Variants in PPIG observed in about 807,000 individuals in gnomAD.
PPIG encodes the protein peptidylprolyl isomerase G, also known as peptidyl-prolyl cis-trans isomerase G.
PPIG carries 26 observed loss-of-function variants against 87.9 expected under a neutral mutation model. The ratio of observed to expected loss-of-function variants is 0.30; its 90% CI spans 0.22 to 0.41. The LOEUF is 0.41. PPIG is among the 10% of genes least tolerant of loss of function. The probability of loss-of-function intolerance (pLI) is 1.00; values close to 1 mark genes in which losing one functional copy is unlikely to be tolerated. For synonymous variants in PPIG, 308 were observed against 276.5 expected (o/e 1.11, Z -1.13); for missense variants, 722 against 879.4 (o/e 0.82, Z 2.26).
chr2:169,608,057 A>G (rs1431857654), intron 6 of PPIG, among the ~76,000 whole-genome samples: 1 of 152,118 alleles, frequency 6.6e-6, no homozygotes, highest in Non-Finnish European at 1.5e-5. Flanking sequence ...AGATAGTTTC[A>G]TTTTTTTATT....
At chr2:169,605,914 C>T (rs1685313720) in intron 4 of PPIG, 125 bp from the exon 5 acceptor site, 4 of 652,844 alleles carry the variant, frequency 6.1e-6, no homozygotes, top group Non-Finnish European at 7.9e-6. Context: ...AAAAAAATTC[C>T]TGAAAGGAAT....
rs1475561784 is a variant in PPIG, at chr2:169,638,727, T to TG, written c.*1204_*1205insG. 1.3e-5 allele frequency: 2 copies of TG among 152,080 alleles called. No homozygotes were observed. The highest frequency in any genetic ancestry group is 4.8e-5 in the African/African-American group (2 of 41,458). The allele number at this position is 152,080 out of a possible 1,614,324, so 9.4% of individuals were successfully genotyped here. On this transcript the variant is annotated 3_prime_UTR_variant, in exon 14 of 14. Coordinates refer to ENST00000260970, the MANE Select transcript of PPIG (RefSeq NM_004792.3). ...TAGAAAGTTGCAAATTTTGATAGTTTACAGAGTTAAACACTAAACATATCC... is the reference window on the plus strand; with the variant it reads ...TAGAAAGTTGCAAATTTTGATAGTTTGACAGAGTTAAACACTAAACATATCC...
chr2:169,607,706 T>G (rs6433126), intron 6 of PPIG, among the ~76,000 whole-genome samples: 5,184 of 152,334 alleles, frequency 0.034, 288 homozygotes, highest in African/African-American at 0.12. Context: ...TGATTTGTTC[T>G]TAATATTCTA....
intron 7 of PPIG, among the ~76,000 whole-genome samples, chr2:169,612,104 G>GT (rs1311276620): frequency 4.0e-5 from 6 of 151,782 alleles, no homozygotes; most frequent in Non-Finnish European, 8.8e-5. Flanking sequence ...GCCTCCCAAA[G>GT]TGCTGGGGTT....
At chr2:169,616,155 A>G (rs1373085950) in intron 9 of PPIG, among the ~76,000 whole-genome samples, 2 of 152,178 alleles carry the variant, frequency 1.3e-5, no homozygotes, top group Non-Finnish European at 2.9e-5. Flanking sequence ...AGCTTAATCC[A>G]TGTCCCTGAA....
intron 1 of PPIG, chr2:169,584,815 T>G (rs1233259533): frequency 3.4e-6 from 1 of 296,090 alleles, no homozygotes; most frequent in South Asian, 2.7e-5. Context: ...AGCTGTAACA[T>G]GGCGGCAGCG....
intron 9 of PPIG, among the ~76,000 whole-genome samples, chr2:169,621,790 C>T (rs1685760575): frequency 1.3e-5 from 2 of 150,578 alleles, no homozygotes; most frequent in Admixed American, 1.3e-4. Flanking sequence ...GGATCTGTTG[C>T]CTCCTTATAA....
chr2:169,623,045 TTC>T (rs1685798978), intron 9 of PPIG, among the ~76,000 whole-genome samples: 1 of 152,196 alleles, frequency 6.6e-6, no homozygotes, highest in Admixed American at 6.5e-5. Context: ...TCCTGGGCCT[TTC>T]TCTCTTTGCA....
At chr2:169,612,523 A>G (rs1409757657) in intron 7 of PPIG, among the ~76,000 whole-genome samples, 1 of 151,744 alleles carries the variant, frequency 6.6e-6, no homozygotes, top group Non-Finnish European at 1.5e-5. Context: ...AGCTGGGACT[A>G]CAGGCGCCTG....
intron 7 of PPIG, among the ~76,000 whole-genome samples, chr2:169,611,808 C>T (rs771297233): frequency 1.3e-5 from 2 of 152,092 alleles, no homozygotes; most frequent in Non-Finnish European, 2.9e-5. Context: ...CTCCTTATAT[C>T]TTCCTATTTC....
intron 9 of PPIG, among the ~76,000 whole-genome samples, chr2:169,626,956 T>C (rs78126923): frequency 4.0e-5 from 6 of 151,318 alleles, no homozygotes; most frequent in Non-Finnish European, 7.4e-5. Context: ...GTGATCTGCC[T>C]GCTTTGGTGT....
In PPIG at chr2:169,637,141, C is replaced by T; in HGVS notation, c.1883C>T (p.Ser628Leu). The change falls in exon 14 of 14, where the codon TCA becomes TTA. Residue 628 changes from serine to leucine, a missense_variant. Transcript: ENST00000260970. ...GATAGGAGGAGAAGGAGGAGAGACT[C>T]ACGGAGCTCAGAGAGAGAAGAAAGT... ...SKDRRRRRRD[S>L]RSSEREESQS... The T allele has an allele frequency of 6.2e-7, 1 of 1,612,282 alleles. No individual in the cohort carries two copies.
chr2:169,607,191 T>G (rs754776669), intron 6 of PPIG, 43 bp downstream of exon 6: 2 of 1,136,076 alleles, frequency 1.8e-6, no homozygotes, highest in East Asian at 4.8e-5. Flanking sequence ...ATATTTTGTC[T>G]TTTATTCTAT....
chr2:169,637,179 A>AT lies in PPIG; in HGVS notation c.1921_1922insT (p.Lys641IlefsTer10). On this transcript the variant is annotated frameshift_variant, in exon 14 of 14. Coordinates refer to ENST00000260970, the MANE Select transcript of PPIG (RefSeq NM_004792.3). LOFTEE classifies it high-confidence loss of function. ...GAGAGAAGAAAGTCAAAGCAGAAACAAAGACAAATACAGAAACCAAGAGAG... is the reference window on the plus strand; with the variant it reads ...GAGAGAAGAAAGTCAAAGCAGAAACATAAGACAAATACAGAAACCAAGAGAG... The AT allele has an allele frequency of 1.2e-6, 2 of 1,613,276 alleles. No individual in the cohort carries two copies. Among genetic ancestry groups the AT allele is most frequent in the Non-Finnish European group, 1.7e-6 (2 of 1,179,816 alleles).
chr2:169,622,519 A>G (rs961618096), intron 9 of PPIG, among the ~76,000 whole-genome samples: 4 of 152,210 alleles, frequency 2.6e-5, no homozygotes, highest in Non-Finnish European at 4.4e-5. Flanking sequence ...ATCCAACTGT[A>G]TGTCCCTCAA....
rs1686302526 is a variant in PPIG at position 169,641,165 on chromosome 2, T to G, written c.*3642T>G. The G allele has an allele frequency of 6.6e-6, 1 of 152,180 alleles. No homozygotes were observed. Among genetic ancestry groups the G allele is most frequent in the Non-Finnish European group, 1.5e-5 (1 of 68,024 alleles). The allele number at this position is 152,180 out of a possible 1,614,324, so 9.4% of individuals were successfully genotyped here. On this transcript the variant is annotated 3_prime_UTR_variant, in exon 14 of 14. Coordinates refer to ENST00000260970, the MANE Select transcript of PPIG (RefSeq NM_004792.3). Reference sequence around the variant, plus strand: ...TCTTTGTGGAAGGAAAAAACATAAATGAAGTTAATGCACTTCTTTTCCTAG... The same window carrying G: ...TCTTTGTGGAAGGAAAAAACATAAAGGAAGTTAATGCACTTCTTTTCCTAG...
At chr2:169,584,561 G>C in intron 1 of PPIG, 71 bp downstream of exon 1, 1 of 459,028 alleles carries the variant, frequency 2.2e-6, no homozygotes, top group Non-Finnish European at 4.5e-6. Flanking sequence ...AAGCGGGAAG[G>C]GCCTGGGAAG....
rs1685257698 is a variant in PPIG at position 169,604,211 on chromosome 2, T to A, written c.86T>A (p.Phe29Tyr). 6.2e-7 allele frequency: 1 copy of A among 1,613,196 alleles called. No homozygotes were observed. Among genetic ancestry groups the A allele is most frequent in the Non-Finnish European group, 8.5e-7 (1 of 1,179,956 alleles). ...QPAGRVVFEL[F>Y]SDVCPKTCEN... The stretch of plus-strand genomic sequence containing the variant: ...GCTGGAAGAGTTGTCTTTGAATTAT[T>A]TTCTGATGTGTGCCCCAAAACATGC... The change falls in exon 4 of 14, where the codon TTT becomes TAT. Residue 29 changes from phenylalanine (F) to tyrosine (Y), a missense_variant. This residue lies in a region of PPIG where 99 missense variants were observed against 215.8 expected (regional missense o/e 0.46). Coordinates refer to ENST00000260970, the MANE Select transcript of PPIG (RefSeq NM_004792.3).
At chr2:169,613,780 G>A (rs188363146) in intron 7 of PPIG, among the ~76,000 whole-genome samples, 3 of 152,224 alleles carry the variant, frequency 2.0e-5, no homozygotes, top group Admixed American at 2.0e-4. Flanking sequence ...ACAAAAATTA[G>A]CCAGGCATGC....
Sources: allele counts gnomAD v4.1 joint callset (sites outside exome capture counted in the v4.1 genomes callset), GRCh38; gene constraint gnomAD v4.1.1; regional missense constraint gnomAD v4.1.1; transcripts MANE v1.5; gene names NCBI Gene and HGNC (gene_info 2026-07-23, HGNC 2026-07-21).